RASIP1: variants seen among roughly 807,000 people sequenced by gnomAD.
RASIP1 encodes the protein Ras interacting protein 1.
A neutral mutation model predicts 85.3 loss-of-function variants in RASIP1; 20 were observed. That is an observed-to-expected ratio of 0.23 (90% CI 0.17 to 0.34). RASIP1 has a LOEUF of 0.34. Ranked by LOEUF, RASIP1 falls within the 10% of genes least tolerant of loss-of-function variation. The pLI is 1.00. For missense variants in RASIP1, 1,170 were observed against 1,390.9 expected (o/e 0.84, Z 2.53); for synonymous variants, 617 against 647.1 (o/e 0.95, Z 0.71).
At chr19:48,725,823 G>T (rs2033332816) in intron 8 of RASIP1, among the ~76,000 whole-genome samples, 2 of 152,126 alleles carry the variant, frequency 1.3e-5, no homozygotes, top group Non-Finnish European at 2.9e-5. Flanking sequence ...TGACTGAAGA[G>T]TAGACTTAGA....
chr19:48,725,051 A>G, intron 8 of RASIP1, 91 bp from the exon 9 acceptor site: 1 of 1,473,850 alleles, frequency 6.8e-7, no homozygotes, highest in Non-Finnish European at 9.2e-7. Context: ...GGGGAGCTCC[A>G]CCAAAGTCTT....
Position 48,724,793 on chromosome 19 carries a change from A to G in RASIP1, c.2295T>C (p.Pro765=). The G allele has an allele frequency of 6.2e-7, 1 of 1,614,240 alleles. No homozygotes were observed. The highest frequency in any genetic ancestry group is 8.5e-7 in the Non-Finnish European group (1 of 1,180,046). Residue 765 remains proline (P), a synonymous_variant, in exon 9 of 12, where the codon CCT becomes CCC. Transcript: ENST00000222145. This position sits in a 1 kb window ranked among gnomAD's most constrained non-coding sequence, Gnocchi z 4.6. ...LELTSQCELH[P]DLVSQTFGYL... is the part of the protein sequence containing the mutation. The stretch of plus-strand genomic sequence containing the variant: ...AGCCAAAAGTCTGAGACACGAGGTC[A>G]GGGTGCAGCTCGCACTGGCTGGTCA...
Position 48,739,380 on chromosome 19 carries a change from G to T in RASIP1, c.403C>A (p.Pro135Thr), listed in dbSNP as rs2033629266. 5.2e-6 allele frequency: 7 copies of T among 1,343,514 alleles called. No individual in the cohort carries two copies. The South Asian group carries it at 7.4e-5, about 14-fold the overall frequency. 83.2% of individuals were successfully genotyped at this position (1,343,514 alleles called of 1,614,324 possible). The change falls in exon 3 of 12, where the codon CCC (proline) becomes ACC (threonine). Residue 135 changes from proline to threonine, a missense_variant. Around this residue, in one of 4 missense-constraint regions of RASIP1, gnomAD observed 299 missense variants for 394.4 expected, o/e 0.76. Coordinates refer to ENST00000222145, the MANE Select transcript of RASIP1 (RefSeq NM_017805.3). The surrounding 1 kb of genome is among the most constrained non-coding windows in gnomAD (Gnocchi z 9.2). ...GCCGTGGCGCGGGTAGCCAGCGGGGGCTCGGGGGCCACGCCCGCCGCCAGC... is the reference window on the plus strand; with the variant it reads ...GCCGTGGCGCGGGTAGCCAGCGGGGTCTCGGGGGCCACGCCCGCCGCCAGC... ...PELAAGVAPEPPLATRATAPP... is the reference protein window; with the variant it reads ...PELAAGVAPETPLATRATAPP...
Position 48,729,232 on chromosome 19 carries a change from C to A in RASIP1, c.1538G>T (p.Gly513Val), listed in dbSNP as rs1222502938. 7.2e-7 allele frequency: 1 copy of A among 1,395,788 alleles called. No homozygotes were observed. The allele number at this position is 1,395,788 out of a possible 1,614,324, so 86.5% of individuals were successfully genotyped here. Residue 513 changes from glycine to valine, a missense_variant, in exon 5 of 12, where the codon GGC becomes GTC. Gly to Val is a moderately radical substitution (Grantham distance 109). Transcript: ENST00000222145. ...LPARPGATPP[G>V]PGWAFSCRLC... The stretch of plus-strand genomic sequence containing the variant: ...GCGACAGGAGAAGGCCCAGCCAGGG[C>A]CTGGCGGCGTGGCCCCGGGGCGCGC...
chr19:48,734,037 A>G (rs1478479771), intron 4 of RASIP1, among the ~76,000 whole-genome samples: 1 of 151,522 alleles, frequency 6.6e-6, no homozygotes, highest in African/African-American at 2.4e-5. Context: ...GGCTTACGCC[A>G]GTAATCCCAG....
In RASIP1 at chr19:48,739,488, C is replaced by T. The variant is rs2033631287; in HGVS notation, c.295G>A (p.Gly99Arg). The T allele has an allele frequency of 6.6e-7, 1 of 1,505,730 alleles. No individual in the cohort carries two copies. The allele number at this position is 1,505,730 out of a possible 1,614,324, so 93.3% of individuals were successfully genotyped here. A position where few individuals can be genotyped will look rare whatever the true frequency, so the allele number is the denominator to read the frequency against. ...ISQLFRGSGTGTTGSSGAGGP... is the reference protein window; with the variant it reads ...ISQLFRGSGTRTTGSSGAGGP... ...CCTGCGCCGCTGGACCCCGTGGTCC[C>T]GGTCCCCGAGCCCCGGAAGAGCTGG... is the stretch of plus-strand genomic sequence containing the variant. The change falls in exon 3 of 12, where the codon GGG becomes AGG. Residue 99 changes from glycine (G) to arginine (R), a missense_variant. By Grantham distance (125) the Gly-to-Arg change is moderately radical. Coordinates refer to ENST00000222145, the MANE Select transcript of RASIP1 (RefSeq NM_017805.3). This position sits in a 1 kb window ranked among gnomAD's most constrained non-coding sequence, Gnocchi z 9.2.
intron 6 of RASIP1, 67 bp downstream of exon 6, chr19:48,727,326 C>CACAG: frequency 6.3e-7 from 1 of 1,577,780 alleles, no homozygotes; most frequent in Non-Finnish European, 8.7e-7. Flanking sequence ...ATGGGGTGAA[C>CACAG]ACAGAACTAG....
chr19:48,731,536 T>A (rs958825043), intron 4 of RASIP1, among the ~76,000 whole-genome samples: 3 of 152,150 alleles, frequency 2.0e-5, no homozygotes, highest in African/African-American at 7.2e-5. Flanking sequence ...TTCCATCTCA[T>A]TTATCAAATG....
rs2033626132 is a variant in RASIP1 at position 48,739,187 on chromosome 19, A to C, written c.596T>G (p.Val199Gly). 6.8e-7 allele frequency: 1 copy of C among 1,472,382 alleles called. No individual in the cohort carries two copies. Among genetic ancestry groups the C allele is most frequent in the South Asian group, 1.3e-5 (1 of 77,914 alleles). 91.2% of individuals were successfully genotyped at this position (1,472,382 alleles called of 1,614,324 possible). The change falls in exon 3 of 12, where the codon GTG becomes GGG. Residue 199 changes from valine (V) to glycine (G), a missense_variant. By Grantham distance (109) the Val-to-Gly change is moderately radical. This residue lies in a region of RASIP1 where 299 missense variants were observed against 394.4 expected (regional missense o/e 0.76). Transcript: ENST00000222145. The surrounding 1 kb of genome is among the most constrained non-coding windows in gnomAD (Gnocchi z 9.2). Reference sequence around the variant, plus strand: ...AGCGTCGCACAAAGCGAAGGCGTCCACGCAGCTGCTCTCGCCGGGGCCACC... The same window carrying C: ...AGCGTCGCACAAAGCGAAGGCGTCCCCGCAGCTGCTCTCGCCGGGGCCACC... ...PGGGPGESSC[V>G]DAFALCDALG...
At chr19:48,732,115 G>A (rs2033469729) in intron 4 of RASIP1, among the ~76,000 whole-genome samples, 1 of 150,046 alleles carries the variant, frequency 6.7e-6, no homozygotes, top group Non-Finnish European at 1.5e-5. Context: ...TCATCAGACT[G>A]GAGTGCAGTG....
Position 48,723,854 on chromosome 19 carries a change from C to G in RASIP1, c.2544+483G>C, listed in dbSNP as rs141140917. ...ACAGGGTCTCGCTCTGTCGCCCCGGCTGGAGTGCAATGGTGCAATCTTGGC... is the reference window on the plus strand; with the variant it reads ...ACAGGGTCTCGCTCTGTCGCCCCGGGTGGAGTGCAATGGTGCAATCTTGGC... On this transcript the variant is annotated intron_variant, in intron 10 of 11. Coordinates refer to ENST00000222145, the MANE Select transcript of RASIP1 (RefSeq NM_017805.3). Among the ~76,000 whole-genome samples the G allele has an allele frequency of 8.8e-3, 1,279 of 145,822 alleles. 19 individuals are homozygous for G. The highest frequency in any genetic ancestry group is 0.031 in the African/African-American group (1,211 of 39,650).
chr19:48,729,789 A>G (rs2122447100), intron 4 of RASIP1, among the ~76,000 whole-genome samples, 199 bp from the exon 5 acceptor site: 1 of 130,312 alleles, frequency 7.7e-6, no homozygotes, highest in South Asian at 2.3e-4. Flanking sequence ...ATCTCGGCTC[A>G]CTGCAACCTC....
intron 5 of RASIP1, among the ~76,000 whole-genome samples, chr19:48,728,608 CA>C (rs539054450): frequency 6.6e-6 from 1 of 152,030 alleles, no homozygotes; most frequent in Admixed American, 6.6e-5. Context: ...ACTAAAAATA[CA>C]AAAAATTAGC....
intron 4 of RASIP1, among the ~76,000 whole-genome samples, chr19:48,732,351 G>A (rs1486330276): frequency 4.0e-5 from 6 of 151,544 alleles, no homozygotes; most frequent in Non-Finnish European, 7.4e-5. Context: ...CGCCTCCCAG[G>A]TTCCCGCCAT....
chr19:48,737,783 A>G (rs1190819203), intron 3 of RASIP1: 24 of 984,310 alleles, frequency 2.4e-5, no homozygotes, highest in Non-Finnish European at 2.9e-5. Context: ...TTTGCCCCAG[A>G]CCACGCTTTT....
Position 48,729,135 on chromosome 19 carries a change from C to T in RASIP1, c.1635G>A (p.Leu545=). The T allele has an allele frequency of 7.4e-7, 1 of 1,359,222 alleles. No homozygotes were observed. 84.2% of individuals were successfully genotyped at this position (1,359,222 alleles called of 1,614,324 possible). Residue 545 remains leucine (L), a synonymous_variant, in exon 5 of 12, where the codon CTG becomes CTA. Coordinates refer to ENST00000222145, the MANE Select transcript of RASIP1 (RefSeq NM_017805.3). The part of the protein sequence containing the change: ...AAYLDGREPV[L]RFRPREEEAL... ...CCTCCTCCTCGCGCGGCCGGAAGCG[C>T]AGGACTGGCTCACGGCCGTCCAGGT...
chr19:48,731,809 C>T (rs990217658), intron 4 of RASIP1, among the ~76,000 whole-genome samples: 30 of 152,200 alleles, frequency 2.0e-4, no homozygotes, highest in Non-Finnish European at 1.5e-5. Flanking sequence ...GTCTTACCAC[C>T]TTCTGAAGGT....
chr19:48,721,130 C>T, intron 11 of RASIP1, 133 bp from the exon 12 acceptor site: 2 of 748,628 alleles, frequency 2.7e-6, no homozygotes, highest in East Asian at 2.7e-5. Flanking sequence ...GGGCGGGGTC[C>T]GTTCACACGC....
intron 3 of RASIP1, among the ~76,000 whole-genome samples, chr19:48,736,579 T>C (rs1397178810): frequency 6.6e-6 from 1 of 152,190 alleles, no homozygotes; most frequent in Non-Finnish European, 1.5e-5. Flanking sequence ...CTGGGTACTC[T>C]GAGCTTTTTC....
Sources: allele counts gnomAD v4.1 joint callset (sites outside exome capture counted in the v4.1 genomes callset), GRCh38; gene constraint gnomAD v4.1.1; regional missense constraint gnomAD v4.1.1; non-coding constraint Gnocchi (gnomAD v3.1); transcripts MANE v1.5; gene names NCBI Gene and HGNC (gene_info 2026-07-23, HGNC 2026-07-21).